Variants in PCLO observed in about 807,000 individuals in gnomAD.
PCLO encodes the protein piccolo presynaptic cytomatrix protein, also known as protein piccolo.
In PCLO, 82 loss-of-function variants were observed where a neutral mutation model predicts 427.5. That is an observed-to-expected ratio of 0.19 (90% CI 0.16 to 0.23). The LOEUF is 0.23. Ranked by LOEUF, PCLO falls within the 10% of genes least tolerant of loss-of-function variation. The pLI is 1.00. For synonymous variants in PCLO, 2,357 were observed against 2,155.4 expected, an observed-to-expected ratio of 1.09 and a Z score of -2.59; for missense variants, 6,239 against 6,115.9, an observed-to-expected ratio of 1.02 and a Z score of -0.67.
At chr7:83,118,717 C>T (rs144349475) in intron 3 of PCLO, among the ~76,000 whole-genome samples, 3 of 152,216 alleles carry the variant, frequency 2.0e-5, no homozygotes, top group African/African-American at 7.2e-5. Flanking sequence ...CTTACTAACC[C>T]CACTACCAGT....
chr7:82,995,995 C>A (rs1193906087), intron 3 of PCLO, among the ~76,000 whole-genome samples: 1 of 151,694 alleles, frequency 6.6e-6, no homozygotes, highest in African/African-American at 2.4e-5. Context: ...TAATTCTCAT[C>A]CTTTTTGCTT....
At chr7:83,083,526 A>G (rs1790156634) in intron 3 of PCLO, among the ~76,000 whole-genome samples, 1 of 152,016 alleles carries the variant, frequency 6.6e-6, no homozygotes, top group Non-Finnish European at 1.5e-5. Flanking sequence ...TAATCTAGAC[A>G]ATCTGTTTTC....
chr7:83,024,297 C>G (rs995753232), intron 3 of PCLO, among the ~76,000 whole-genome samples: 1 of 152,182 alleles, frequency 6.6e-6, no homozygotes, highest in African/African-American at 2.4e-5. Flanking sequence ...ACTCGGGAAG[C>G]GCAAGGGGTC....
In PCLO at chr7:82,758,354, C is replaced by G; in HGVS notation, c.*221G>C. The G allele has an allele frequency of 2.5e-6, 1 of 406,756 alleles. No homozygotes were observed. Among genetic ancestry groups the G allele is most frequent in the Non-Finnish European group, 4.4e-6 (1 of 229,102 alleles). The allele number at this position is 406,756 out of a possible 1,614,324, so 25.2% of individuals were successfully genotyped here. A position where few individuals can be genotyped will look rare whatever the true frequency, so the allele number is the denominator to read the frequency against. On this transcript the variant is annotated 3_prime_UTR_variant, in exon 25 of 25. Transcript: ENST00000333891. ...CACAGCCATGGGAAATTCAAGGTCTCAGAACTCCATTCTTCTTGTTTTCAG... is the reference window on the plus strand; with the variant it reads ...CACAGCCATGGGAAATTCAAGGTCTGAGAACTCCATTCTTCTTGTTTTCAG...
At position 82,838,305 on chromosome 7, in the gene PCLO, T is replaced by C. The variant is rs1415670064; in HGVS notation, c.14135A>G (p.His4712Arg). ...INYDLGNLII[H>R]ILQARNLVPR... ...AACAAGATTTCTTGCTTGGAGAATA[T>C]GTATTATGAGATTTCCAAGATCATA... The change falls in exon 15 of 25, where the codon CAT becomes CGT. Residue 4712 changes from histidine to arginine, a missense_variant. Transcript: ENST00000333891. 1.4e-5 allele frequency: 21 copies of C among 1,540,990 alleles called. No homozygotes were observed. Among genetic ancestry groups the C allele is most frequent in the Non-Finnish European group, 1.9e-5 (21 of 1,123,704 alleles).
At chr7:82,782,790 T>G (rs1790901867) in intron 22 of PCLO, among the ~76,000 whole-genome samples, 1 of 152,216 alleles carries the variant, frequency 6.6e-6, no homozygotes, top group African/African-American at 2.4e-5. Flanking sequence ...TTTGAAAGTG[T>G]CTTATATATT....
chr7:82,821,555 T>C (rs1364557357), intron 20 of PCLO: 3 of 976,012 alleles, frequency 3.1e-6, no homozygotes, highest in African/African-American at 3.5e-5. Context: ...ACAGGGTACC[T>C]ACATTTGTGA....
At chr7:82,944,860 TA>T (rs1243988160) in intron 6 of PCLO, among the ~76,000 whole-genome samples, 1 of 152,232 alleles carries the variant, frequency 6.6e-6, no homozygotes, top group Non-Finnish European at 1.5e-5. Flanking sequence ...CTTATTCACT[TA>T]ATCTTTACAA....
intron 3 of PCLO, among the ~76,000 whole-genome samples, chr7:83,002,153 C>A (rs1787839522): frequency 6.6e-6 from 1 of 151,832 alleles, no homozygotes; most frequent in Non-Finnish European, 1.5e-5. Context: ...TTCTAGTACT[C>A]CTTTCTGGAT....
At chr7:83,071,856 C>G (rs1583984574) in intron 3 of PCLO, among the ~76,000 whole-genome samples, 1 of 151,928 alleles carries the variant, frequency 6.6e-6, no homozygotes, top group South Asian at 2.1e-4. Context: ...TTCAAAGAAC[C>G]TCATCAATAA....
intron 22 of PCLO, among the ~76,000 whole-genome samples, chr7:82,793,828 TTG>T (rs1209147673): frequency 1.3e-5 from 2 of 152,202 alleles, no homozygotes; most frequent in Non-Finnish European, 2.9e-5. Context: ...TCACAAAGTA[TTG>T]TGTGTGGGGT....
chr7:83,052,647 T>C (rs1045284577), intron 3 of PCLO, among the ~76,000 whole-genome samples: 1 of 151,988 alleles, frequency 6.6e-6, no homozygotes, highest in Admixed American at 6.6e-5. Context: ...CCAAAGTAAA[T>C]TATCTTTACT....
At chr7:83,146,272 T>C (rs1048056039) in intron 2 of PCLO, among the ~76,000 whole-genome samples, 1 of 152,212 alleles carries the variant, frequency 6.6e-6, no homozygotes, top group Non-Finnish European at 1.5e-5. Flanking sequence ...AGTGGACATA[T>C]GTGAGAGGCA....
chr7:82,858,405 T>C (rs1409577954), intron 10 of PCLO, among the ~76,000 whole-genome samples: 2 of 152,106 alleles, frequency 1.3e-5, no homozygotes, highest in Non-Finnish European at 2.9e-5. Flanking sequence ...AAGATGTTGG[T>C]ATCCATTCTC....
chr7:83,077,344 AT>A (rs1319117677), intron 3 of PCLO, among the ~76,000 whole-genome samples: 1 of 152,080 alleles, frequency 6.6e-6, no homozygotes, highest in Non-Finnish European at 1.5e-5. Context: ...ATAGGATTCA[AT>A]TGCAAAGGGG....
intron 3 of PCLO, among the ~76,000 whole-genome samples, chr7:83,016,584 A>G (rs1378457238): frequency 6.6e-6 from 1 of 152,124 alleles, no homozygotes; most frequent in East Asian, 1.9e-4. Context: ...TCTAGAGACT[A>G]GAGATGACGT....
At chr7:82,800,548 TAG>T (rs1583988411) in intron 22 of PCLO, among the ~76,000 whole-genome samples, 1 of 152,138 alleles carries the variant, frequency 6.6e-6, no homozygotes, top group East Asian at 1.9e-4. Flanking sequence ...GTTAAATGTA[TAG>T]AGAGAGGTTG....
At chr7:82,957,074 A>G in intron 4 of PCLO, 139 bp from the exon 5 acceptor site, 2 of 871,720 alleles carry the variant, frequency 2.3e-6, no homozygotes, top group Non-Finnish European at 3.2e-6. Flanking sequence ...GTATTTTTTA[A>G]AAGTTTGAGA....
intron 3 of PCLO, among the ~76,000 whole-genome samples, chr7:83,077,445 T>C (rs1789984771): frequency 6.6e-6 from 1 of 152,102 alleles, no homozygotes; most frequent in African/African-American, 2.4e-5. Flanking sequence ...GTAGTAGTTG[T>C]TGCTGTTGTT....
Sources: allele counts gnomAD v4.1 joint callset (sites outside exome capture counted in the v4.1 genomes callset), GRCh38; gene constraint gnomAD v4.1.1; transcripts MANE v1.5; gene names NCBI Gene and HGNC (gene_info 2026-07-23, HGNC 2026-07-21).